The following STC1 variants were observed in gnomAD, a reference collection of about 807,000 sequenced individuals.
STC1 encodes stanniocalcin 1.
STC1 carries 7 observed loss-of-function variants against 22.6 expected under a neutral mutation model. The observed-to-expected ratio is 0.31, with a 90% CI of 0.18 to 0.58. The LOEUF (loss-of-function observed/expected upper bound fraction) is 0.58, where lower values mean the gene tolerates loss of function less well. Ranked by LOEUF, STC1 falls within the 20% of genes least tolerant of loss-of-function variation. The probability of loss-of-function intolerance (pLI) is 0.89; values close to 1 mark genes in which losing one functional copy is unlikely to be tolerated. For synonymous variants in STC1, 113 were observed against 120.7 expected (o/e 0.94, Z 0.42); for missense variants, 224 against 311.0 (o/e 0.72, Z 2.10).
At position 23,852,292 on chromosome 8, in the gene STC1, A is replaced by G; in HGVS notation, c.211T>C (p.Tyr71His). 1 of 1,614,122 alleles carries G rather than the reference A, an allele frequency of 6.2e-7. No homozygotes were observed. The highest frequency in any genetic ancestry group is 8.5e-7 in the Non-Finnish European group (1 of 1,179,964). The change falls in exon 2 of 4, where the codon TAT (tyrosine) becomes CAT (histidine). Residue 71 changes from tyrosine to histidine, a missense_variant. By Grantham distance (83) the Tyr-to-His change is moderately conservative. Transcript: ENST00000290271. ...ENSTCDTDGMYDICKSFLYSA... is the reference protein window; with the variant it reads ...ENSTCDTDGMHDICKSFLYSA... The stretch of plus-strand genomic sequence containing the variant: ...TACAAGAAGGATTTACAGATGTCAT[A>G]CATCCCATCTGTGTCACAGGTGGAG...
chr8:23,844,735 C>G lies in STC1; in HGVS notation c.*35G>C, dbSNP rs775272493. ...GTGTGTCAACACCCCTAAAATGATA[C>G]TAGTTTGGTGAGGTTGTGAATAACC... On this transcript the variant is annotated 3_prime_UTR_variant, in exon 4 of 4. Coordinates refer to ENST00000290271, the MANE Select transcript of STC1 (RefSeq NM_003155.3). 32 of 1,603,382 alleles carry G rather than the reference C, an allele frequency of 2.0e-5. No individual in the cohort carries two copies. Among genetic ancestry groups the G allele is most frequent in the Non-Finnish European group, 2.5e-5 (29 of 1,171,548 alleles).
rs1053276047 is a variant in STC1, at chr8:23,843,673, G to A, written c.*1097C>T. 2.0e-5 allele frequency: 3 copies of A among 152,682 alleles called. No homozygotes were observed. Among genetic ancestry groups the A allele is most frequent in the African/African-American group, 7.2e-5 (3 of 41,466 alleles). 9.5% of individuals were successfully genotyped at this position (152,682 alleles called of 1,614,324 possible). A position where few individuals can be genotyped will look rare whatever the true frequency, so the allele number is the denominator to read the frequency against. On this transcript the variant is annotated 3_prime_UTR_variant, in exon 4 of 4. Coordinates refer to ENST00000290271, the MANE Select transcript of STC1 (RefSeq NM_003155.3). ...TGGTTCCTGGAATTTCCAGTTGGAT[G>A]TGACAGAGATCTTTCAGTATAGGTC... is the stretch of plus-strand genomic sequence containing the variant.
chr8:23,846,723 C>T (rs967071406), intron 3 of STC1, among the ~76,000 whole-genome samples: 1 of 152,162 alleles, frequency 6.6e-6, no homozygotes, highest in Non-Finnish European at 1.5e-5. Flanking sequence ...CCCTTCCCTC[C>T]AGGGAGAATT....
rs1283951639 is a variant in STC1, at chr8:23,851,535, C to T, written c.262-4G>A. On this transcript the variant is annotated splice_polypyrimidine_tract_variant and splice_region_variant and intron_variant, in intron 2 of 3. Transcript: ENST00000290271. ...TCTCTTTGACGAATGCTTTTCCCTG[C>T]CATGGAGGAAGGACAAGAGGGAGGT... The T allele has an allele frequency of 6.2e-7, 1 of 1,613,860 alleles. No individual in the cohort carries two copies. The highest frequency in any genetic ancestry group is 1.1e-5 in the South Asian group (1 of 91,024).
intron 3 of STC1, among the ~76,000 whole-genome samples, chr8:23,849,486 C>T (rs775743768): frequency 1.3e-5 from 2 of 152,012 alleles, no homozygotes; most frequent in African/African-American, 2.4e-5. Context: ...TTCTTTGTGA[C>T]CATTTTCTAA....
Position 23,843,818 on chromosome 8 carries a change from T to C in STC1, c.*952A>G, listed in dbSNP as rs1455340901. The C allele has an allele frequency of 1.3e-5, 2 of 152,628 alleles. No individual in the cohort carries two copies. Among genetic ancestry groups the C allele is most frequent in the Non-Finnish European group, 2.9e-5 (2 of 68,038 alleles). 9.5% of individuals were successfully genotyped at this position (152,628 alleles called of 1,614,324 possible). ...ACAGGCCCATCTTAAGTTTTGATGT[T>C]GAATTAAAACTACTTCTACCCCCTT... is the stretch of plus-strand genomic sequence containing the variant. On this transcript the variant is annotated 3_prime_UTR_variant, in exon 4 of 4. Transcript: ENST00000290271.
At chr8:23,847,216 C>T (rs1280620872) in intron 3 of STC1, among the ~76,000 whole-genome samples, 5 of 152,222 alleles carry the variant, frequency 3.3e-5, no homozygotes, top group South Asian at 2.1e-4. Flanking sequence ...AAGTCTAGTA[C>T]CCTTAAGGTA....
chr8:23,851,906 C>T (rs907497519), intron 2 of STC1, among the ~76,000 whole-genome samples: 10 of 152,152 alleles, frequency 6.6e-5, no homozygotes, highest in African/African-American at 1.9e-4. Context: ...TTGCTCTATG[C>T]ACGTTTTTAT....
chr8:23,854,288 C>T, intron 1 of STC1, 118 bp downstream of exon 1: 1 of 1,040,838 alleles, frequency 9.6e-7, no homozygotes, highest in South Asian at 1.4e-5. Context: ...AGTTTATTGC[C>T]ATCAGGCATG....
intron 3 of STC1, among the ~76,000 whole-genome samples, chr8:23,848,155 A>AT (rs11411346): frequency 0.19 from 28,220 of 152,000 alleles, 2,816 homozygotes; most frequent in African/African-American, 0.25. Flanking sequence ...TTCAATACAC[A>AT]TTTTTCTTCT....
chr8:23,854,463 C>T lies in STC1; in HGVS notation c.61G>A (p.Ala21Thr). The change falls in exon 1 of 4, where the codon GCG becomes ACG. Residue 21 changes from alanine to threonine, a missense_variant. Coordinates refer to ENST00000290271, the MANE Select transcript of STC1 (RefSeq NM_003155.3). ...LVISASATHE[A>T]EQNDSVSPRK... is the part of the protein sequence containing the mutation. ...GGGCTCACAGAGTCATTCTGCTCCG[C>T]CTCATGGGTTGCAGAAGCACTGATC... The T allele has an allele frequency of 6.2e-7, 1 of 1,614,176 alleles. No individual in the cohort carries two copies. Among genetic ancestry groups the T allele is most frequent in the Non-Finnish European group, 8.5e-7 (1 of 1,180,042 alleles).
At chr8:23,853,791 G>C (rs1802666190) in intron 1 of STC1, among the ~76,000 whole-genome samples, 1 of 152,098 alleles carries the variant, frequency 6.6e-6, no homozygotes, top group Non-Finnish European at 1.5e-5. Context: ...GGGCTCTCTG[G>C]CTACGGGCTG....
intron 3 of STC1, among the ~76,000 whole-genome samples, chr8:23,848,094 T>C (rs920276275): frequency 3.3e-5 from 5 of 152,234 alleles, no homozygotes; most frequent in Non-Finnish European, 7.3e-5. Flanking sequence ...GCAGTTAGTC[T>C]AGTTAACCTC....
At chr8:23,851,760 C>T (rs1338212114) in intron 2 of STC1, among the ~76,000 whole-genome samples, 4 of 151,034 alleles carry the variant, frequency 2.6e-5, no homozygotes, top group Non-Finnish European at 2.9e-5. Flanking sequence ...AATGAAATTA[C>T]AGAAAAAAAA....
Position 23,854,750 on chromosome 8 carries a change from C to CGCT in STC1, c.-230_-228dup, listed in dbSNP as rs886137148. 8.0e-4 allele frequency: 510 copies of CGCT among 634,616 alleles called. 5 individuals are homozygous for CGCT. The highest frequency in any genetic ancestry group is 4.5e-3 in the South Asian group (294 of 64,762). 39.3% of individuals were successfully genotyped at this position (634,616 alleles called of 1,614,324 possible). Reference sequence around the variant, plus strand: ...CCGCTGCTGCTGCTGCTGCCACCGCCGCTGCTGCTGCTGCTGCTGCAGTCG... The same window carrying CGCT: ...CCGCTGCTGCTGCTGCTGCCACCGCCGCTGCTGCTGCTGCTGCTGCTGCAGTCG... On this transcript the variant is annotated 5_prime_UTR_variant, in exon 1 of 4. Coordinates refer to ENST00000290271, the MANE Select transcript of STC1 (RefSeq NM_003155.3).
chr8:23,844,751 G>C lies in STC1; in HGVS notation c.*19C>G. 1 of 1,610,020 alleles carries C rather than the reference G, an allele frequency of 6.2e-7. No individual in the cohort carries two copies. Among genetic ancestry groups the C allele is most frequent in the South Asian group, 1.1e-5 (1 of 91,010 alleles). ...AAAATGATACTAGTTTGGTGAGGTT[G>C]TGAATAACCTCTCCCTGGTTATGCA... On this transcript the variant is annotated 3_prime_UTR_variant, in exon 4 of 4. Coordinates refer to ENST00000290271, the MANE Select transcript of STC1 (RefSeq NM_003155.3).
intron 3 of STC1, 113 bp from the exon 4 acceptor site, chr8:23,845,153 C>T (rs1027705662): frequency 2.2e-5 from 25 of 1,117,972 alleles, no homozygotes; most frequent in Non-Finnish European, 3.0e-5. Context: ...ACCATGCAAA[C>T]ATCAATAGTT....
At chr8:23,851,158 C>T (rs1423342133) in intron 3 of STC1, among the ~76,000 whole-genome samples, 162 bp downstream of exon 3, 1 of 152,082 alleles carries the variant, frequency 6.6e-6, no homozygotes, top group Non-Finnish European at 1.5e-5. Context: ...TAAACTGTCA[C>T]AACCAATCAC....
At chr8:23,846,354 C>A (rs1273444816) in intron 3 of STC1, among the ~76,000 whole-genome samples, 1 of 152,060 alleles carries the variant, frequency 6.6e-6, no homozygotes, top group Non-Finnish European at 1.5e-5. Flanking sequence ...ATTTTGTAGT[C>A]GCAGTTGAGT....
Sources: gnomAD v4.1 joint callset for allele counts (sites outside exome capture counted in the v4.1 genomes callset) on GRCh38, gnomAD v4.1.1 for gene constraint, MANE v1.5 for transcripts, NCBI Gene and HGNC (gene_info 2026-07-23, HGNC 2026-07-21) for gene names.